FBRS: variants seen among roughly 807,000 people sequenced by gnomAD.
FBRS encodes probable fibrosin-1.
Under a neutral mutation model 86.1 loss-of-function variants are expected in FBRS, and 15 were observed. That is an observed-to-expected ratio of 0.17 (90% CI 0.12 to 0.27). The LOEUF is 0.27. Among genes scored for constraint, FBRS ranks in the 10% least tolerant of loss-of-function variants. FBRS has a pLI of 1.00. For missense variants in FBRS, 1,367 were observed against 1,301.6 expected, an observed-to-expected ratio of 1.05 and a Z score of -0.77; for synonymous variants, 666 against 575.8, an observed-to-expected ratio of 1.16 and a Z score of -2.24.
intron 4 of FBRS, chr16:30,662,135 G>T (rs1354754867): frequency 2.4e-6 from 1 of 412,750 alleles, no homozygotes; most frequent in Admixed American, 4.2e-5. Flanking sequence ...CCAGCAGCTA[G>T]TGACCTCTGA....
chr16:30,663,500 T>C (rs1701672072), intron 6 of FBRS, among the ~76,000 whole-genome samples: 3 of 151,270 alleles, frequency 2.0e-5, no homozygotes, highest in African/African-American at 7.3e-5. Context: ...CGCGATTGCT[T>C]AGGGGGAGGC....
Position 30,664,496 on chromosome 16 carries a change from C to T in FBRS, c.1337C>T (p.Ser446Leu). 1 of 1,415,372 alleles carries T rather than the reference C, an allele frequency of 7.1e-7. No individual in the cohort carries two copies. Among genetic ancestry groups the T allele is most frequent in the Non-Finnish European group, 9.2e-7 (1 of 1,086,510 alleles). 87.7% of individuals were successfully genotyped at this position (1,415,372 alleles called of 1,614,324 possible). The change falls in exon 7 of 18, where the codon TCA (serine) becomes TTA (leucine). Residue 446 changes from serine (S) to leucine (L), a missense_variant. Coordinates refer to ENST00000356166, the MANE Select transcript of FBRS (RefSeq NM_001105079.3). ...LLQVPGHPGA[S>L]AANALSEQDL... ...CAGGTGCCAGGGCACCCTGGGGCCT[C>T]AGCCGCTAACGCCCTTTCTGGTGAG...
chr16:30,667,181 C>T lies in FBRS; in HGVS notation c.1876-139C>T, dbSNP rs562611837. ...TCATTAGGGGGCTGCTCAGAGAAGG[C>T]TCCGAGAGAGGCAGAAGATAGGCAT... On this transcript the variant is annotated intron_variant, in intron 13 of 17. Coordinates refer to ENST00000356166, the MANE Select transcript of FBRS (RefSeq NM_001105079.3). 1.7e-5 allele frequency: 16 copies of T among 924,136 alleles called. No homozygotes were observed. The East Asian group carries it at 3.7e-4, about 21-fold the overall frequency. 57.2% of individuals were successfully genotyped at this position (924,136 alleles called of 1,614,324 possible).
chr16:30,667,848 A>G, intron 15 of FBRS: 1 of 455,146 alleles, frequency 2.2e-6, no homozygotes. Context: ...CCTGTCTCCC[A>G]GTAGCCAGTG....
At position 30,668,991 on chromosome 16, in the gene FBRS, A is replaced by ACCCCCCCCCCCCCCCCCCCCCC; in HGVS notation, c.2366+15_2366+16insCCCCCCCCCCCCCCCCCCCCCC. 1 of 704,518 alleles carries ACCCCCCCCCCCCCCCCCCCCCC rather than the reference A, an allele frequency of 1.4e-6. No individual in the cohort carries two copies. The highest frequency in any genetic ancestry group is 1.9e-6 in the Non-Finnish European group (1 of 539,040). The allele number at this position is 704,518 out of a possible 1,614,324, so 43.6% of individuals were successfully genotyped here. A position where few individuals can be genotyped will look rare whatever the true frequency, so the allele number is the denominator to read the frequency against. ...GAGGAGAAGGACAGGTGTGCCTCCC[A>ACCCCCCCCCCCCCCCCCCCCCC]CCCACCCTGCCCCTGCCCCACCCTC... On this transcript the variant is annotated intron_variant, in intron 17 of 17. Coordinates refer to ENST00000356166, the MANE Select transcript of FBRS (RefSeq NM_001105079.3).
intron 11 of FBRS, chr16:30,666,056 G>A (rs1367616593): frequency 2.5e-6 from 1 of 402,300 alleles, no homozygotes; most frequent in Admixed American, 4.2e-5. Context: ...AGGAGAGCCA[G>A]AGCCTCCCTC....
Position 30,665,343 on chromosome 16 carries a change from CT to C in FBRS, c.1647del (p.Pro550ArgfsTer51). On this transcript the variant is annotated frameshift_variant, in exon 10 of 18. Transcript: ENST00000356166. LOFTEE classifies it high-confidence loss of function. This position sits in a 1 kb window ranked among gnomAD's most constrained non-coding sequence, Gnocchi z 4.1. ...TTCCCTCCCGCAGTGCCCGGGCTGC[CT>C]CCGGGCCTCCCGCCGGCCGTCTCCT... ...TAFPPAVPGL[P>X]PGLPPAVSFG... The C allele has an allele frequency of 6.4e-7, 1 of 1,566,700 alleles. No homozygotes were observed. The highest frequency in any genetic ancestry group is 8.6e-7 in the Non-Finnish European group (1 of 1,156,738).
At chr16:30,668,238 T>C in intron 15 of FBRS, 1 of 331,254 alleles carries the variant, frequency 3.0e-6, no homozygotes, top group Admixed American at 4.3e-5. Context: ...AGAGCGTGAC[T>C]TCATGTCAAG....
In FBRS at chr16:30,669,124, C is replaced by A. The variant is rs771228797; in HGVS notation, c.2422C>A (p.Arg808=). 2.5e-6 allele frequency: 4 copies of A among 1,586,900 alleles called. No individual in the cohort carries two copies. The South Asian group carries it at 4.6e-5, about 18-fold the overall frequency. The change falls in exon 18 of 18, where the codon CGG becomes AGG. Residue 808 remains arginine, a synonymous_variant. Transcript: ENST00000356166. The surrounding 1 kb of genome is among the most constrained non-coding windows in gnomAD (Gnocchi z 5.9). ...LRVSPATPKA[R]AGEEGPRPTK... The stretch of plus-strand genomic sequence containing the variant: ...AGTTTCTCCTGCTACTCCCAAGGCC[C>A]GGGCTGGTGAGGAGGGGCCTCGGCC...
rs1239308571 is a variant in FBRS at position 30,665,795 on chromosome 16, C to T, written c.1773+89C>T. 7.8e-7 allele frequency: 1 copy of T among 1,287,120 alleles called. No individual in the cohort carries two copies. The highest frequency in any genetic ancestry group is 1.3e-5 in the South Asian group (1 of 76,326). The allele number at this position is 1,287,120 out of a possible 1,614,324, so 79.7% of individuals were successfully genotyped here. ...CTTGAGGAGAGTGAACTGCTGATTC[C>T]TCCCTTGAATTCACAATCGGGTGTT... On this transcript the variant is annotated intron_variant, in intron 11 of 17. Transcript: ENST00000356166. The surrounding 1 kb of genome is among the most constrained non-coding windows in gnomAD (Gnocchi z 4.1).
rs138939046 is a variant in FBRS at position 30,662,453 on chromosome 16, G to A, written c.739G>A (p.Val247Ile). 264 of 1,550,612 alleles carry A rather than the reference G, an allele frequency of 1.7e-4. No individual in the cohort carries two copies. In the African/African-American group the frequency reaches 3.0e-3, roughly 17 times the overall value. The stretch of plus-strand genomic sequence containing the variant: ...TGATGACCTCGACCCATCCTTTACT[G>A]TCTCAACCAGCAAAGGTTGGTCCCA... ...SDDDLDPSFT[V>I]STSKASGPHG... Residue 247 changes from valine (V) to isoleucine (I), a missense_variant, in exon 5 of 18, where the codon GTC becomes ATC. Physicochemically the swap from Val to Ile is conservative, Grantham distance 29. Around this residue, in one of 3 missense-constraint regions of FBRS, gnomAD observed 702 missense variants for 598.7 expected, o/e 1.17. Coordinates refer to ENST00000356166, the MANE Select transcript of FBRS (RefSeq NM_001105079.3).
chr16:30,662,351 A>G, intron 4 of FBRS, 69 bp from the exon 5 acceptor site: 1 of 1,547,654 alleles, frequency 6.5e-7, no homozygotes, highest in Non-Finnish European at 8.7e-7. Flanking sequence ...TCCAGAGGCT[A>G]TTTGGCCTTC....
In FBRS at chr16:30,664,412, C is replaced by CCCA. The variant is rs1471400087; in HGVS notation, c.1259_1261dup (p.His420dup). ...CCCGGGCTGCGGCCCCCCCCACCAC[C>CCCA]CCACCACCCCTCCTTGTTCTCCCCT... On this transcript the variant is annotated inframe_insertion, in exon 7 of 18. Coordinates refer to ENST00000356166, the MANE Select transcript of FBRS (RefSeq NM_001105079.3). The CCCA allele has an allele frequency of 1.9e-5, 27 of 1,410,522 alleles. No individual in the cohort carries two copies. Among genetic ancestry groups the CCCA allele is most frequent in the Non-Finnish European group, 2.5e-5 (26 of 1,056,708 alleles). The allele number at this position is 1,410,522 out of a possible 1,614,324, so 87.4% of individuals were successfully genotyped here. A position where few individuals can be genotyped will look rare whatever the true frequency, so the allele number is the denominator to read the frequency against.
rs1213165472 is a variant in FBRS, at chr16:30,662,184, C to T, written c.706-236C>T. 4 of 591,206 alleles carry T rather than the reference C, an allele frequency of 6.8e-6. No individual in the cohort carries two copies. In the Admixed American group the frequency reaches 1.0e-4, roughly 15 times the overall value. The allele number at this position is 591,206 out of a possible 1,614,324, so 36.6% of individuals were successfully genotyped here. ...TTTGCCTGCTTCTCTGCTGCTTCAA[C>T]GCTGCCTCCATTTAGTCCTCTTGGC... On this transcript the variant is annotated intron_variant, in intron 4 of 17. Transcript: ENST00000356166.
intron 2 of FBRS, 183 bp downstream of exon 2, chr16:30,660,625 C>T (rs1292144347): frequency 6.0e-6 from 6 of 991,912 alleles, no homozygotes; most frequent in African/African-American, 1.7e-5. Context: ...TCAGGTGCAC[C>T]TCCTTTTGCC....
intron 15 of FBRS, chr16:30,667,895 G>T: frequency 2.5e-6 from 1 of 401,546 alleles, no homozygotes. Context: ...GGAAGGTGGG[G>T]AGGCCATGCT....
chr16:30,665,431 C>T lies in FBRS; in HGVS notation c.1704+30C>T. ...GCTCCCAATCCAGACACCACCACCG[C>T]CTACCATCTTGACAAACCCAGACAC... On this transcript the variant is annotated intron_variant, in intron 10 of 17. Coordinates refer to ENST00000356166, the MANE Select transcript of FBRS (RefSeq NM_001105079.3). The surrounding 1 kb of genome is among the most constrained non-coding windows in gnomAD (Gnocchi z 4.1). 1 of 1,546,154 alleles carries T rather than the reference C, an allele frequency of 6.5e-7. No homozygotes were observed. Among genetic ancestry groups the T allele is most frequent in the Non-Finnish European group, 8.8e-7 (1 of 1,140,946 alleles).
In FBRS at chr16:30,665,476, C is replaced by G; in HGVS notation, c.1704+75C>G. ...AGACACGCCGGGTCCAAGCACCCTT[C>G]TCCCATTCCCCAAAGTCGTGCCCAT... On this transcript the variant is annotated intron_variant, in intron 10 of 17. Coordinates refer to ENST00000356166, the MANE Select transcript of FBRS (RefSeq NM_001105079.3). The surrounding 1 kb of genome is among the most constrained non-coding windows in gnomAD (Gnocchi z 4.1). The G allele has an allele frequency of 6.8e-7, 1 of 1,461,004 alleles. No individual in the cohort carries two copies. The highest frequency in any genetic ancestry group is 9.4e-7 in the Non-Finnish European group (1 of 1,064,866). The allele number at this position is 1,461,004 out of a possible 1,614,324, so 90.5% of individuals were successfully genotyped here.
Position 30,662,653 on chromosome 16 carries a change from C to T in FBRS, c.849C>T (p.Pro283=). 6.5e-7 allele frequency: 1 copy of T among 1,548,100 alleles called. No individual in the cohort carries two copies. Among genetic ancestry groups the T allele is most frequent in the Non-Finnish European group, 8.7e-7 (1 of 1,145,466 alleles). Residue 283 remains proline (P), a synonymous_variant, in exon 6 of 18, where the codon CCC becomes CCT. Transcript: ENST00000356166. ...VSGLERSQEQ[P]PGPDPLLVPF... The stretch of plus-strand genomic sequence containing the variant: ...GCCTGGAGCGGAGCCAAGAACAGCC[C>T]CCGGGGCCCGACCCGCTGCTAGTGC...
Sources: gnomAD v4.1 joint callset for allele counts (sites outside exome capture counted in the v4.1 genomes callset) on GRCh38, gnomAD v4.1.1 for gene constraint, gnomAD v4.1.1 regional missense constraint, Gnocchi (gnomAD v3.1) non-coding constraint, MANE v1.5 for transcripts, NCBI Gene and HGNC (gene_info 2026-07-23, HGNC 2026-07-21) for gene names.